Variants in CTNNA3 observed in about 807,000 individuals in gnomAD.
CTNNA3 encodes catenin alpha 3.
A neutral mutation model predicts 95.7 loss-of-function variants in CTNNA3; 76 were observed. That is an observed-to-expected ratio of 0.79 (90% CI 0.66 to 0.96). CTNNA3 has a LOEUF of 0.96. CTNNA3 is among the 40% of genes least tolerant of loss of function. The probability of loss-of-function intolerance (pLI) is 0.00; values close to 1 mark genes in which losing one functional copy is unlikely to be tolerated. For missense variants in CTNNA3, 1,191 were observed against 1,089.8 expected, an observed-to-expected ratio of 1.09 and a Z score of -1.31; for synonymous variants, 431 against 374.4, an observed-to-expected ratio of 1.15 and a Z score of -1.74.
intron 1 of CTNNA3, among the ~76,000 whole-genome samples, chr10:67,702,166 C>A (rs921191989): frequency 5.9e-5 from 9 of 152,242 alleles, no homozygotes; most frequent in Non-Finnish European, 1.2e-4. Flanking sequence ...GACTCCCATA[C>A]AATAATAATG....
chr10:66,495,294 G>T (rs956525563), intron 11 of CTNNA3, among the ~76,000 whole-genome samples: 8 of 151,906 alleles, frequency 5.3e-5, no homozygotes, highest in African/African-American at 1.9e-4. Flanking sequence ...GGAGAGAAAA[G>T]AAACCAAATT....
chr10:66,262,747 C>T (rs1350124286), intron 13 of CTNNA3, among the ~76,000 whole-genome samples: 1 of 151,754 alleles, frequency 6.6e-6, no homozygotes, highest in Non-Finnish European at 1.5e-5. Flanking sequence ...ATAAACTGTC[C>T]TATATTATTT....
chr10:66,242,799 C>A (rs10822773), intron 13 of CTNNA3, among the ~76,000 whole-genome samples: 32,572 of 152,032 alleles, frequency 0.21, 3,682 homozygotes, highest in South Asian at 0.29. Context: ...TAAAAATTCC[C>A]TTGAATTCCA....
chr10:66,847,435 C>G (rs1843320817), intron 7 of CTNNA3, among the ~76,000 whole-genome samples: 1 of 152,126 alleles, frequency 6.6e-6, no homozygotes, highest in Non-Finnish European at 1.5e-5. Flanking sequence ...CAATGACCAT[C>G]TACTATCTTG....
intron 11 of CTNNA3, among the ~76,000 whole-genome samples, chr10:66,401,755 T>C (rs1012522954): frequency 1.1e-4 from 17 of 149,496 alleles, no homozygotes; most frequent in Non-Finnish European, 1.0e-4. Context: ...GTCTCCCAGG[T>C]TCAAGTGATT....
At chr10:67,471,254 A>G (rs1847811465) in intron 5 of CTNNA3, among the ~76,000 whole-genome samples, 2 of 152,254 alleles carry the variant, frequency 1.3e-5, no homozygotes, top group African/African-American at 2.4e-5. Flanking sequence ...TAAACACAAT[A>G]TAACAACCAA....
At chr10:66,906,387 G>A (rs909550197) in intron 7 of CTNNA3, among the ~76,000 whole-genome samples, 1 of 152,116 alleles carries the variant, frequency 6.6e-6, no homozygotes, top group Non-Finnish European at 1.5e-5. Flanking sequence ...ATATCATGGA[G>A]ATGCATTCAA....
At chr10:66,313,866 T>C (rs1332804013) in intron 12 of CTNNA3, among the ~76,000 whole-genome samples, 1 of 152,060 alleles carries the variant, frequency 6.6e-6, no homozygotes. Context: ...AGAAGGCAAA[T>C]GGGTCAGAAA....
At chr10:66,601,676 T>C (rs1381832895) in intron 10 of CTNNA3, among the ~76,000 whole-genome samples, 1 of 151,864 alleles carries the variant, frequency 6.6e-6, no homozygotes, top group Non-Finnish European at 1.5e-5. Context: ...AAATGACAAA[T>C]CTTATTTTAC....
intron 10 of CTNNA3, among the ~76,000 whole-genome samples, chr10:66,529,437 GTGTTTTTTTTT>G (rs1841382323): frequency 2.6e-5 from 2 of 77,548 alleles, no homozygotes; most frequent in South Asian, 5.1e-4. Context: ...CAGCCAAACA[GTGTTTTTTTTT>G]TGTTTTTTTT....
chr10:67,186,084 G>A (rs1002117346), intron 6 of CTNNA3, among the ~76,000 whole-genome samples: 1 of 151,756 alleles, frequency 6.6e-6, no homozygotes, highest in African/African-American at 2.4e-5. Context: ...TGTACTTCCA[G>A]TGTGGCATCA....
intron 12 of CTNNA3, among the ~76,000 whole-genome samples, chr10:66,332,122 C>T (rs1440410378): frequency 2.0e-5 from 3 of 151,922 alleles, no homozygotes; most frequent in Non-Finnish European, 4.4e-5. Flanking sequence ...CTGAAGTTGC[C>T]TATCAGCTTA....
chr10:67,270,126 T>G (rs539854551), intron 5 of CTNNA3, among the ~76,000 whole-genome samples: 1 of 144,066 alleles, frequency 6.9e-6, no homozygotes, highest in Non-Finnish European at 1.5e-5. Context: ...CCACCAGTAT[T>G]TGTCAAAAAA....
intron 10 of CTNNA3, among the ~76,000 whole-genome samples, chr10:66,610,311 C>T (rs1343988724): frequency 5.9e-5 from 9 of 152,134 alleles, no homozygotes; most frequent in East Asian, 1.9e-4. Flanking sequence ...GTAACAAACC[C>T]GCACATGTAC....
chr10:66,698,615 G>A lies in CTNNA3; in HGVS notation c.1281+67649C>T, dbSNP rs528218644. ...TAATATTGAAGTAATAGAAGAAATC[G>A]TCCAGAAATGCAAAAAATAGTTCAC... On this transcript the variant is annotated intron_variant, in intron 9 of 17. Coordinates refer to ENST00000433211, the MANE Select transcript of CTNNA3 (RefSeq NM_013266.4). 3.3e-5 allele frequency among the ~76,000 whole-genome samples: 5 copies of A among 152,124 alleles called. No homozygotes were observed. In the East Asian group the frequency reaches 5.8e-4, roughly 18 times the overall value.
chr10:67,594,642 AT>A (rs200913634), intron 3 of CTNNA3, among the ~76,000 whole-genome samples: 26 of 145,896 alleles, frequency 1.8e-4, no homozygotes, highest in Admixed American at 2.7e-4. Flanking sequence ...GATCATCTCT[AT>A]TTTTTTTTCA....
chr10:66,389,685 A>AT (rs1295733655), intron 11 of CTNNA3, among the ~76,000 whole-genome samples: 1 of 150,862 alleles, frequency 6.6e-6, no homozygotes, highest in East Asian at 2.0e-4. Context: ...TAAAATTATA[A>AT]TTTTTTCTAG....
intron 6 of CTNNA3, among the ~76,000 whole-genome samples, chr10:67,199,967 C>T (rs1487940909): frequency 3.9e-5 from 6 of 152,226 alleles, no homozygotes; most frequent in African/African-American, 7.2e-5. Flanking sequence ...TTAACTACTA[C>T]GAATACCAAG....
chr10:67,706,929 T>C (rs892252833), intron 1 of CTNNA3, among the ~76,000 whole-genome samples: 1 of 152,174 alleles, frequency 6.6e-6, no homozygotes, highest in Admixed American at 6.5e-5. Flanking sequence ...AAGGAGCTCT[T>C]GATTTTTGTC....
Sources: allele counts gnomAD v4.1 joint callset (sites outside exome capture counted in the v4.1 genomes callset), GRCh38; gene constraint gnomAD v4.1.1; transcripts MANE v1.5; gene names NCBI Gene and HGNC (gene_info 2026-07-23, HGNC 2026-07-21).